Variants in LIFR observed in about 807,000 individuals in gnomAD.
LIFR encodes LIF receptor subunit alpha.
LIFR carries 84 observed loss-of-function variants against 122.2 expected under a neutral mutation model. That is an observed-to-expected ratio of 0.69 (90% confidence interval 0.58 to 0.82). LIFR has a LOEUF of 0.82. LIFR is among the 40% of genes least tolerant of loss of function. The probability of loss-of-function intolerance (pLI) is 0.00; values close to 1 mark genes in which losing one functional copy is unlikely to be tolerated. For missense variants in LIFR, 1,294 were observed against 1,311.6 expected (o/e 0.99, Z 0.21); for synonymous variants, 422 against 434.7 (o/e 0.97, Z 0.36).
chr5:38,500,847 T>C (rs1022449168), intron 11 of LIFR, among the ~76,000 whole-genome samples: 2 of 152,172 alleles, frequency 1.3e-5, no homozygotes, highest in Non-Finnish European at 2.9e-5. Context: ...CAGTGTGCAG[T>C]AGACATAATG....
intron 1 of LIFR, among the ~76,000 whole-genome samples, chr5:38,593,874 G>C (rs1750012799): frequency 6.6e-6 from 1 of 152,112 alleles, no homozygotes; most frequent in Admixed American, 6.5e-5. Context: ...GATTCTGCCT[G>C]GTGCCTTGAT....
At chr5:38,520,301 T>C (rs1746334311) in intron 5 of LIFR, among the ~76,000 whole-genome samples, 1 of 152,198 alleles carries the variant, frequency 6.6e-6, no homozygotes, top group African/African-American at 2.4e-5. Context: ...TTGCCCACAT[T>C]ACAATGGGAG....
At chr5:38,602,821 G>A (rs1159743299) in intron 2 of LIFR, among the ~76,000 whole-genome samples, 1 of 152,144 alleles carries the variant, frequency 6.6e-6, no homozygotes, top group African/African-American at 2.4e-5. Flanking sequence ...ACTCTCTCAG[G>A]AAGAGACAAG....
chr5:38,513,801 A>G (rs1382794797), intron 5 of LIFR, among the ~76,000 whole-genome samples: 1 of 152,240 alleles, frequency 6.6e-6, no homozygotes, highest in Non-Finnish European at 1.5e-5. Context: ...CCAAAGTTCC[A>G]ATTAGATTAA....
chr5:38,561,199 T>C (rs56049754), upstream of LIFR, among the ~76,000 whole-genome samples: 989 of 152,250 alleles, frequency 6.5e-3, 9 homozygotes, highest in African/African-American at 0.022. Context: ...TACTCACATA[T>C]CCAAGTTAAG....
rs1269629612 is a variant in LIFR, at chr5:38,479,799, T to C, written c.*1796A>G. 1 of 230,590 alleles carries C rather than the reference T, an allele frequency of 4.3e-6. No individual in the cohort carries two copies. Among genetic ancestry groups the C allele is most frequent in the African/African-American group, 2.2e-5 (1 of 45,198 alleles). The allele number at this position is 230,590 out of a possible 1,614,324, so 14.3% of individuals were successfully genotyped here. ...TACAAAGGAAGACAAGAGAACACTC[T>C]TTAGGGATGGCTCTGATTGGATATA... is the stretch of plus-strand genomic sequence containing the variant. On this transcript the variant is annotated 3_prime_UTR_variant, in exon 20 of 20. Transcript: ENST00000453190.
intron 13 of LIFR, among the ~76,000 whole-genome samples, chr5:38,495,313 T>A (rs1045130923): frequency 6.6e-6 from 1 of 152,206 alleles, no homozygotes; most frequent in African/African-American, 2.4e-5. Flanking sequence ...TAAATCAGTA[T>A]GTTATCTTCT....
intron 6 of LIFR, 78 bp from the exon 7 acceptor site, chr5:38,510,796 T>C (rs1745760646): frequency 8.0e-7 from 1 of 1,245,388 alleles, no homozygotes; most frequent in Non-Finnish European, 1.1e-6. Flanking sequence ...TAAGACTTTC[T>C]TTTCATAAGA....
chr5:38,499,356 G>T (rs942215136), intron 12 of LIFR, among the ~76,000 whole-genome samples, 157 bp downstream of exon 12: 4 of 152,126 alleles, frequency 2.6e-5, no homozygotes, highest in Non-Finnish European at 4.4e-5. Context: ...GGAGTGACGA[G>T]GAATTTGGGG....
intron 1 of LIFR, among the ~76,000 whole-genome samples, chr5:38,553,225 T>C (rs577921404): frequency 3.9e-4 from 59 of 152,212 alleles, no homozygotes; most frequent in African/African-American, 1.4e-3. Context: ...TCCAAAATCA[T>C]AGGCTTCTTC....
chr5:38,489,435 A>G (rs1367250262), intron 15 of LIFR, among the ~76,000 whole-genome samples, 190 bp from the exon 16 acceptor site: 1 of 152,212 alleles, frequency 6.6e-6, no homozygotes, highest in Non-Finnish European at 1.5e-5. Context: ...AACCATAGAC[A>G]AAAATATTTT....
intron 1 of LIFR, 160 bp from the exon 2 acceptor site, chr5:38,530,826 ACAT>A: frequency 1.5e-6 from 1 of 680,940 alleles, no homozygotes; most frequent in Non-Finnish European, 2.6e-6. Context: ...GCTTGTGGAG[ACAT>A]CAATAATTGG....
At chr5:38,493,989 T>C (rs987641314) in intron 13 of LIFR, among the ~76,000 whole-genome samples, 10 of 152,130 alleles carry the variant, frequency 6.6e-5, no homozygotes, top group South Asian at 6.2e-4. Flanking sequence ...CCTGTATACA[T>C]AGATTAACAC....
At chr5:38,518,448 G>T (rs762789755) in intron 5 of LIFR, among the ~76,000 whole-genome samples, 4 of 152,028 alleles carry the variant, frequency 2.6e-5, no homozygotes, top group Non-Finnish European at 5.9e-5. Context: ...AGTCAATGTG[G>T]GACCACATAT....
At chr5:38,499,636 G>A in intron 11 of LIFR, 53 bp from the exon 12 acceptor site, 1 of 1,220,918 alleles carries the variant, frequency 8.2e-7, no homozygotes, top group Non-Finnish European at 1.2e-6. Context: ...ATATGTATAT[G>A]GTGCTTGGCA....
chr5:38,485,776 G>GC, intron 17 of LIFR, 43 bp downstream of exon 17: 1 of 1,601,028 alleles, frequency 6.2e-7, no homozygotes, highest in Non-Finnish European at 8.6e-7. Context: ...AGAACACTAC[G>GC]CATGCAGGAT....
At position 38,493,682 on chromosome 5, in the gene LIFR, G is replaced by A; in HGVS notation, c.1989C>T (p.Asn663=). 6.2e-7 allele frequency: 1 copy of A among 1,614,154 alleles called. No homozygotes were observed. Among genetic ancestry groups the A allele is most frequent in the Admixed American group, 1.7e-5 (1 of 60,022 alleles). ...TAAGGCATGGTTCCGACCGAGACGAGTTACACCACTTAATGACGTAGTCGC... is the reference window on the plus strand; with the variant it reads ...TAAGGCATGGTTCCGACCGAGACGAATTACACCACTTAATGACGTAGTCGC... ...MTCDYVIKWC[N]SSRSEPCLMD... The change falls in exon 14 of 20, where the codon AAC becomes AAT. Residue 663 remains asparagine (N), a synonymous_variant. Transcript: ENST00000453190.
At chr5:38,493,458 T>A in intron 14 of LIFR, 148 bp downstream of exon 14, 3 of 717,178 alleles carry the variant, frequency 4.2e-6, no homozygotes, top group East Asian at 2.7e-5. Flanking sequence ...GATCCTTCCA[T>A]GTGCTGCCAC....
chr5:38,485,373 G>A (rs953345957), intron 17 of LIFR, among the ~76,000 whole-genome samples: 3 of 152,144 alleles, frequency 2.0e-5, no homozygotes, highest in African/African-American at 4.8e-5. Context: ...GCCTATGATC[G>A]AAGTGAAGTT....
Sources: gnomAD v4.1 joint callset for allele counts (sites outside exome capture counted in the v4.1 genomes callset) on GRCh38, gnomAD v4.1.1 for gene constraint, MANE v1.5 for transcripts, NCBI Gene and HGNC (gene_info 2026-07-23, HGNC 2026-07-21) for gene names.